The following ACOXL variants were observed in gnomAD, a reference collection of about 807,000 sequenced individuals.
ACOXL encodes acyl-CoA oxidase like.
ACOXL carries 70 observed loss-of-function variants against 71.9 expected under a neutral mutation model. That is an observed-to-expected ratio of 0.97 (90% CI 0.80 to 1.19). ACOXL has a LOEUF of 1.19. ACOXL is among the 50% of genes most tolerant of loss of function. The pLI is 0.00. For missense variants in ACOXL, 703 were observed against 736.3 expected (o/e 0.95, Z 0.52); for synonymous variants, 253 against 281.6 (o/e 0.90, Z 1.02).
chr2:110,764,086 T>C (rs986372792), intron 1 of ACOXL, among the ~76,000 whole-genome samples: 1 of 152,234 alleles, frequency 6.6e-6, no homozygotes, highest in Non-Finnish European at 1.5e-5. Context: ...CTGGTAAGAA[T>C]GCAAAATGGT....
intron 12 of ACOXL, among the ~76,000 whole-genome samples, chr2:110,975,661 T>A (rs1026273754): frequency 1.3e-5 from 2 of 151,968 alleles, no homozygotes; most frequent in Non-Finnish European, 2.9e-5. Flanking sequence ...CAACAGGCAC[T>A]GGAGGAAGCA....
At chr2:110,750,895 GGCTGATCTTGAA>G (rs1461392543) in intron 1 of ACOXL, among the ~76,000 whole-genome samples, 1 of 151,924 alleles carries the variant, frequency 6.6e-6, no homozygotes, top group Non-Finnish European at 1.5e-5. Context: ...ATGTTGCCCA[GGCTGATCTTGAA>G]CTCCTCAGCT....
chr2:111,007,533 T>C (rs929562474), intron 14 of ACOXL, among the ~76,000 whole-genome samples: 16 of 152,232 alleles, frequency 1.1e-4, no homozygotes, highest in African/African-American at 3.4e-4. Context: ...TTCCAAGCAT[T>C]AACGTTGAGA....
intron 9 of ACOXL, among the ~76,000 whole-genome samples, chr2:110,809,142 C>T (rs2105395333): frequency 6.6e-6 from 1 of 152,394 alleles, no homozygotes; most frequent in African/African-American, 2.4e-5. Context: ...TTTGATCTAA[C>T]TCCACGTGGC....
chr2:110,879,128 C>G (rs1696306952), intron 10 of ACOXL, among the ~76,000 whole-genome samples: 1 of 151,316 alleles, frequency 6.6e-6, no homozygotes, highest in African/African-American at 2.4e-5. Context: ...GGAGGAACCA[C>G]TAAAAGAAAT....
chr2:111,042,231 A>G (rs1193115706), intron 15 of ACOXL, among the ~76,000 whole-genome samples: 2 of 152,264 alleles, frequency 1.3e-5, no homozygotes, highest in East Asian at 3.8e-4. Flanking sequence ...TAGTCTTAGT[A>G]TAGACTCACT....
At chr2:110,735,904 A>G (rs1676772307) in intron 1 of ACOXL, among the ~76,000 whole-genome samples, 1 of 152,162 alleles carries the variant, frequency 6.6e-6, no homozygotes, top group Non-Finnish European at 1.5e-5. Flanking sequence ...TGGCTGGCAG[A>G]GGTAGGTACA....
At chr2:110,788,713 T>C (rs1190664410) in intron 3 of ACOXL, among the ~76,000 whole-genome samples, 1 of 152,212 alleles carries the variant, frequency 6.6e-6, no homozygotes. Context: ...ACATCAGTAA[T>C]TGTGGGAGAT....
At chr2:110,973,484 A>G (rs2062307235) in intron 12 of ACOXL, among the ~76,000 whole-genome samples, 2 of 152,212 alleles carry the variant, frequency 1.3e-5, no homozygotes, top group Admixed American at 1.3e-4. Flanking sequence ...ACTCAGCAAG[A>G]AAGTGCCATC....
At chr2:110,817,024 C>T (rs2105470798) in intron 9 of ACOXL, among the ~76,000 whole-genome samples, 1 of 152,334 alleles carries the variant, frequency 6.6e-6, no homozygotes, top group African/African-American at 2.4e-5. Context: ...AACAGTCTGC[C>T]TACTTCTCCC....
chr2:111,070,550 T>C (rs1167286946), intron 16 of ACOXL, among the ~76,000 whole-genome samples: 1 of 152,126 alleles, frequency 6.6e-6, no homozygotes. Context: ...GATACTAAGC[T>C]TAGTACCTGG....
At chr2:111,018,909 G>C (rs1442446088) in intron 14 of ACOXL, among the ~76,000 whole-genome samples, 1 of 152,070 alleles carries the variant, frequency 6.6e-6, no homozygotes, top group Non-Finnish European at 1.5e-5. Context: ...TGGATTTTCC[G>C]CATACTATAC....
intron 10 of ACOXL, among the ~76,000 whole-genome samples, chr2:110,888,389 AC>A (rs1413726679): frequency 6.6e-6 from 1 of 152,128 alleles, no homozygotes; most frequent in African/African-American, 2.4e-5. Flanking sequence ...TTACTGCTGT[AC>A]CCCGTGGATG....
At chr2:110,899,827 T>G (rs1350754720) in intron 10 of ACOXL, among the ~76,000 whole-genome samples, 1 of 152,144 alleles carries the variant, frequency 6.6e-6, no homozygotes, top group African/African-American at 2.4e-5. Flanking sequence ...TTCTGAAAAG[T>G]AAATTAATTT....
chr2:110,887,049 G>C, intron 10 of ACOXL: 3 of 595,570 alleles, frequency 5.0e-6, no homozygotes, highest in Non-Finnish European at 8.6e-6. Flanking sequence ...GCGTCCACGG[G>C]TCTGCTGTGT....
intron 16 of ACOXL, among the ~76,000 whole-genome samples, chr2:111,066,700 CA>C (rs1358639207): frequency 6.6e-6 from 1 of 151,974 alleles, no homozygotes; most frequent in African/African-American, 2.4e-5. Context: ...AAAGAATGAT[CA>C]AGTAAATAAT....
At chr2:110,889,871 A>C (rs1370140314) in intron 10 of ACOXL, among the ~76,000 whole-genome samples, 2 of 152,144 alleles carry the variant, frequency 1.3e-5, no homozygotes, top group South Asian at 2.1e-4. Context: ...TATGTTTAAC[A>C]TTTTGAGGAA....
chr2:111,035,162 G>T (rs1364656877), intron 15 of ACOXL, among the ~76,000 whole-genome samples: 2 of 152,118 alleles, frequency 1.3e-5, no homozygotes, highest in East Asian at 3.9e-4. Context: ...CACCGTCCCC[G>T]GCCTAAAGCA....
At chr2:110,979,838 A>G (rs1340002707) in intron 12 of ACOXL, among the ~76,000 whole-genome samples, 13 of 152,132 alleles carry the variant, frequency 8.5e-5, no homozygotes, top group Non-Finnish European at 7.4e-5. Flanking sequence ...ACCTCTCCTC[A>G]GCTCCCACTG....
Sources: gnomAD v4.1 joint callset for allele counts (sites outside exome capture counted in the v4.1 genomes callset) on GRCh38, gnomAD v4.1.1 for gene constraint, MANE v1.5 for transcripts, NCBI Gene and HGNC (gene_info 2026-07-23, HGNC 2026-07-21) for gene names.